The following FLT3 variants were observed in gnomAD, a reference collection of about 807,000 sequenced individuals.
FLT3 encodes the protein receptor-type tyrosine-protein kinase FLT3.
Under a neutral mutation model 126.6 loss-of-function variants are expected in FLT3, and 46 were observed. The observed-to-expected ratio is 0.36, with a 90% confidence interval of 0.29 to 0.46. FLT3 has a LOEUF of 0.46. Ranked by LOEUF, FLT3 falls within the 20% of genes least tolerant of loss-of-function variation. FLT3 has a pLI of 1.00. For missense variants in FLT3, 1,069 were observed against 1,190.3 expected (o/e 0.90, Z 1.50); for synonymous variants, 404 against 434.4 (o/e 0.93, Z 0.87).
At chr13:28,065,648 A>G (rs140632392) in intron 2 of FLT3, among the ~76,000 whole-genome samples, 3 of 1,710 alleles carry the variant, frequency 1.8e-3, no homozygotes, top group East Asian at 0.25. Flanking sequence ...TCTCAAAGTA[A>G]TAATAATAAT....
chr13:28,097,667 A>G (rs1359803170), intron 1 of FLT3, among the ~76,000 whole-genome samples: 46 of 152,204 alleles, frequency 3.0e-4, no homozygotes, highest in Non-Finnish European at 4.3e-4. Flanking sequence ...GGGGACATTA[A>G]TGTCAGGTCG....
At chr13:28,011,707 T>TCCTTCCCTCCTCCTTCCTGCC (rs1395154262) in intron 23 of FLT3, among the ~76,000 whole-genome samples, 1 of 53,156 alleles carries the variant, frequency 1.9e-5, no homozygotes, top group African/African-American at 5.1e-5. Flanking sequence ...TTCTTTCTCT[T>TCCTTCCCTCCTCCTTCCTGCC]TTTCTCTTTC....
At chr13:28,008,029 T>C (rs1299894394) in intron 23 of FLT3, among the ~76,000 whole-genome samples, 1 of 152,032 alleles carries the variant, frequency 6.6e-6, no homozygotes, top group Non-Finnish European at 1.5e-5. Context: ...GTTGTTTGTT[T>C]TTTCCCTAGC....
intron 1 of FLT3, among the ~76,000 whole-genome samples, chr13:28,071,170 C>CTT (rs11408683): frequency 8.4e-4 from 120 of 143,126 alleles, no homozygotes; most frequent in African/African-American, 2.8e-3. Flanking sequence ...AATTTTCTTT[C>CTT]TTTTTTTTTT....
chr13:28,014,481 C>A lies in FLT3; in HGVS notation c.2830G>T (p.Gly944Ter). Reference sequence around the variant, plus strand: ...TCTTCTGCATCTGCCAGCTGACATCCTAAAAACGAAGTCAAATTAGGGAAG... The same window carrying A: ...TCTTCTGCATCTGCCAGCTGACATCATAAAAACGAAGTCAAATTAGGGAAG... The part of the protein sequence containing the change: ...PSFPNLTSFL[G>*]CQLADAEEAM... The change falls in exon 23 of 24, where the codon GGA becomes TGA. Residue 944 changes from glycine to a stop codon, truncating the protein, a stop_gained. Coordinates refer to ENST00000241453, the MANE Select transcript of FLT3 (RefSeq NM_004119.3). LOFTEE classifies it low-confidence loss of function (END_TRUNC). 1 of 1,613,838 alleles carries A rather than the reference C, an allele frequency of 6.2e-7. No individual in the cohort carries two copies. The highest frequency in any genetic ancestry group is 8.5e-7 in the Non-Finnish European group (1 of 1,179,786).
intron 9 of FLT3, among the ~76,000 whole-genome samples, chr13:28,037,518 A>G (rs1873944405): frequency 6.6e-6 from 1 of 152,222 alleles, no homozygotes; most frequent in Non-Finnish European, 1.5e-5. Flanking sequence ...CAATTGCAAG[A>G]TTTCAGGTCC....
intron 17 of FLT3, among the ~76,000 whole-genome samples, chr13:28,026,761 A>C (rs111405637): frequency 2.0e-5 from 3 of 152,324 alleles, no homozygotes; most frequent in African/African-American, 7.2e-5. Context: ...AAAAGTCTTC[A>C]TTCTTTCTAC....
chr13:28,054,771 A>G lies in FLT3; in HGVS notation c.485-2097T>C, dbSNP rs541654835. On this transcript the variant is annotated intron_variant, in intron 4 of 23. Coordinates refer to ENST00000241453, the MANE Select transcript of FLT3 (RefSeq NM_004119.3). ...CCTCACTGGAGCCCACCTGCTTGCC[A>G]TCTGGTACTGCCTGATTCATGAATT... 4.1e-4 allele frequency among the ~76,000 whole-genome samples: 62 copies of G among 152,162 alleles called. 1 individual carries two copies. The highest frequency in any genetic ancestry group is 2.9e-5 in the Non-Finnish European group (2 of 68,030).
chr13:28,037,563 G>T (rs747213306), intron 9 of FLT3, among the ~76,000 whole-genome samples: 1 of 152,202 alleles, frequency 6.6e-6, no homozygotes, highest in Non-Finnish European at 1.5e-5. Context: ...TGCATTTTAA[G>T]ATGATCACCA....
At chr13:28,090,821 A>G (rs1290127030) in intron 1 of FLT3, among the ~76,000 whole-genome samples, 1 of 152,098 alleles carries the variant, frequency 6.6e-6, no homozygotes, top group Non-Finnish European at 1.5e-5. Flanking sequence ...GAAATTTGCC[A>G]CCATCAATAT....
At chr13:28,037,100 C>A (rs1873905212) in intron 10 of FLT3, 85 bp downstream of exon 10, 1 of 792,976 alleles carries the variant, frequency 1.3e-6, no homozygotes, top group Non-Finnish European at 2.1e-6. Flanking sequence ...CCCTTCTAAG[C>A]CATTACTTAA....
intron 2 of FLT3, among the ~76,000 whole-genome samples, chr13:28,069,028 C>T (rs1376071828): frequency 6.6e-6 from 1 of 152,236 alleles, no homozygotes; most frequent in Non-Finnish European, 1.5e-5. Context: ...TCATGAAAAA[C>T]AAAGTCGGAA....
chr13:28,066,010 C>A (rs1005743942), intron 2 of FLT3, among the ~76,000 whole-genome samples: 7 of 151,720 alleles, frequency 4.6e-5, no homozygotes, highest in African/African-American at 9.7e-5. Context: ...AATAAATAAA[C>A]CAACTAGAAT....
intron 1 of FLT3, among the ~76,000 whole-genome samples, chr13:28,081,477 C>G (rs1397781355): frequency 6.6e-6 from 1 of 152,184 alleles, no homozygotes; most frequent in Non-Finnish European, 1.5e-5. Context: ...TTACAGAACT[C>G]ACTTATTAGT....
chr13:28,025,219 G>T, intron 17 of FLT3: 1 of 463,750 alleles, frequency 2.2e-6, no homozygotes, highest in Non-Finnish European at 3.9e-6. Context: ...GAGATGGGTG[G>T]CATTTTATAA....
intron 2 of FLT3, among the ~76,000 whole-genome samples, chr13:28,064,430 G>A (rs1815587): frequency 0.93 from 141,526 of 152,122 alleles, 66,460 homozygotes; most frequent in East Asian, 1. Context: ...AAAATTAGCC[G>A]AGTGTGGTGG....
chr13:28,049,110 G>C (rs571915297), intron 8 of FLT3, among the ~76,000 whole-genome samples: 2 of 152,128 alleles, frequency 1.3e-5, no homozygotes, highest in Non-Finnish European at 2.9e-5. Context: ...TTGTCCTTAA[G>C]AAACTTACAG....
chr13:28,091,495 A>G (rs1879098678), intron 1 of FLT3, among the ~76,000 whole-genome samples: 1 of 151,646 alleles, frequency 6.6e-6, no homozygotes, highest in Non-Finnish European at 1.5e-5. Context: ...TGCTGGGATT[A>G]CAGGCGTGAG....
intron 15 of FLT3, among the ~76,000 whole-genome samples, chr13:28,032,898 C>T (rs1049671785): frequency 6.6e-6 from 1 of 152,148 alleles, no homozygotes; most frequent in African/African-American, 2.4e-5. Context: ...CACTGTTGAC[C>T]TTAGCAAGAG....
Sources: allele counts gnomAD v4.1 joint callset (sites outside exome capture counted in the v4.1 genomes callset), GRCh38; gene constraint gnomAD v4.1.1; transcripts MANE v1.5; gene names NCBI Gene and HGNC (gene_info 2026-07-23, HGNC 2026-07-21).